KMO: variants seen among roughly 807,000 people sequenced by gnomAD.
The protein encoded by KMO is kynurenine 3-hydroxylase.
Under a neutral mutation model 57.8 loss-of-function variants are expected in KMO, and 24 were observed. The observed-to-expected ratio is 0.42, with a 90% CI of 0.30 to 0.58. The LOEUF (loss-of-function observed/expected upper bound fraction) is 0.58. Ranked by LOEUF, KMO falls within the 20% of genes least tolerant of loss-of-function variation. The pLI, the probability that KMO is intolerant of heterozygous loss-of-function variation, is 0.22. For synonymous variants in KMO, 210 were observed against 193.6 expected (o/e 1.08, Z -0.70); for missense variants, 483 against 588.2 (o/e 0.82, Z 1.85).
chr1:241,587,842 G>A (rs1236705128), intron 11 of KMO, among the ~76,000 whole-genome samples: 1 of 151,594 alleles, frequency 6.6e-6, no homozygotes, highest in East Asian at 1.9e-4. Context: ...TAGTCCTGAT[G>A]TGATTGGTTT....
At chr1:241,542,768 G>A (rs576929725) in intron 1 of KMO, among the ~76,000 whole-genome samples, 27 of 152,274 alleles carry the variant, frequency 1.8e-4, no homozygotes, top group Non-Finnish European at 3.1e-4. Flanking sequence ...TGTGTGGTGC[G>A]CTTAGCATGC....
At chr1:241,583,716 C>T (rs188021516) in intron 10 of KMO, among the ~76,000 whole-genome samples, 144 of 151,922 alleles carry the variant, frequency 9.5e-4, no homozygotes, top group Non-Finnish European at 1.9e-3. Flanking sequence ...TTTTTTGTTG[C>T]ATTATTTTTA....
intron 9 of KMO, among the ~76,000 whole-genome samples, chr1:241,566,861 A>T (rs1662100044): frequency 6.6e-6 from 1 of 152,196 alleles, no homozygotes; most frequent in African/African-American, 2.4e-5. Context: ...TGGGCATCTT[A>T]TGCAGGCTCC....
chr1:241,533,720 G>T (rs1427816509), intron 1 of KMO, among the ~76,000 whole-genome samples: 6 of 152,154 alleles, frequency 3.9e-5, no homozygotes, highest in Non-Finnish European at 7.4e-5. Flanking sequence ...AGACAAGGAA[G>T]AAGAAAACAA....
chr1:241,544,973 C>T (rs1188934513), intron 1 of KMO, among the ~76,000 whole-genome samples: 1 of 152,028 alleles, frequency 6.6e-6, no homozygotes, highest in African/African-American at 2.4e-5. Context: ...ACATTTATAC[C>T]TTTGTCTCTT....
chr1:241,547,609 T>C (rs980468621), intron 1 of KMO, among the ~76,000 whole-genome samples: 13 of 150,164 alleles, frequency 8.7e-5, no homozygotes, highest in Admixed American at 3.3e-4. Flanking sequence ...AGTGCTCAAC[T>C]TCTTTAGTAA....
At chr1:241,558,081 ACT>A (rs909099484) in intron 5 of KMO, among the ~76,000 whole-genome samples, 3 of 152,212 alleles carry the variant, frequency 2.0e-5, no homozygotes, top group African/African-American at 7.2e-5. Flanking sequence ...CTTGGATCAC[ACT>A]GTTAGTAAGT....
rs975526116 is a variant in KMO at position 241,592,373 on chromosome 1, G to T, written c.*220G>T. On this transcript the variant is annotated 3_prime_UTR_variant, in exon 15 of 15. Transcript: ENST00000366559. ...AGCTTCCCTACATTACACACACTCA[G>T]GTTGAGTCATTCTAACTATAAAAGT... 7.3e-6 allele frequency: 4 copies of T among 546,802 alleles called. No homozygotes were observed. Among genetic ancestry groups the T allele is most frequent in the Middle Eastern group, 4.8e-4 (1 of 2,070 alleles). 33.9% of individuals were successfully genotyped at this position (546,802 alleles called of 1,614,324 possible).
intron 1 of KMO, among the ~76,000 whole-genome samples, chr1:241,547,595 A>C (rs1661196988): frequency 1.3e-5 from 2 of 152,016 alleles, no homozygotes; most frequent in Admixed American, 6.5e-5. Context: ...AAAAAAAAAA[A>C]AAAAGTGCTC....
chr1:241,558,776 T>TAAA (rs35450168), intron 5 of KMO, among the ~76,000 whole-genome samples: 8 of 144,942 alleles, frequency 5.5e-5, no homozygotes, highest in African/African-American at 2.0e-4. Context: ...CTAACCATGT[T>TAAA]AAAAAAAAAA....
chr1:241,594,858 G>C lies in KMO; in HGVS notation c.*2705G>C, dbSNP rs1413496559. ...TCAGATCTACCTAAATCACCCCAGA[G>C]CTTTATGTCTTTTATTCATTCTAAT... On this transcript the variant is annotated 3_prime_UTR_variant, in exon 15 of 15. Coordinates refer to ENST00000366559, the MANE Select transcript of KMO (RefSeq NM_003679.5). 9 of 669,852 alleles carry C rather than the reference G, an allele frequency of 1.3e-5. No individual in the cohort carries two copies. The highest frequency in any genetic ancestry group is 2.2e-5 in the Non-Finnish European group (9 of 400,338). 41.5% of individuals were successfully genotyped at this position (669,852 alleles called of 1,614,324 possible).
At chr1:241,562,937 AGGAGAC>A (rs1558421451) in intron 7 of KMO, among the ~76,000 whole-genome samples, 58 of 78,782 alleles carry the variant, frequency 7.4e-4, no homozygotes, top group East Asian at 1.6e-3. Context: ...GAAGGAAGGA[AGGAGAC>A]GGGAAGGGAA....
chr1:241,550,810 C>G (rs1355021665), intron 3 of KMO, 145 bp from the exon 4 acceptor site: 1 of 512,974 alleles, frequency 1.9e-6, no homozygotes, highest in African/African-American at 2.0e-5. Context: ...GAAGGAGTTT[C>G]TACCACGTTG....
rs1663343932 is a variant in KMO, at chr1:241,592,514, A to T, written c.*361A>T. ...TAGGACTCGCAACAGCATTGACTCA[A>T]CACCTAGGACTAAAAATCACAACTT... On this transcript the variant is annotated 3_prime_UTR_variant, in exon 15 of 15. Transcript: ENST00000366559. 4.6e-6 allele frequency: 1 copy of T among 218,192 alleles called. No homozygotes were observed. The highest frequency in any genetic ancestry group is 5.5e-5 in the Admixed American group (1 of 18,170). 13.5% of individuals were successfully genotyped at this position (218,192 alleles called of 1,614,324 possible).
intron 10 of KMO, among the ~76,000 whole-genome samples, chr1:241,579,184 T>C (rs1662658099): frequency 6.6e-6 from 1 of 152,152 alleles, no homozygotes; most frequent in African/African-American, 2.4e-5. Context: ...CTGTCTGTAA[T>C]GGACTGTGTC....
At chr1:241,566,985 T>G (rs757220352) in intron 9 of KMO, among the ~76,000 whole-genome samples, 5 of 152,192 alleles carry the variant, frequency 3.3e-5, no homozygotes, top group Non-Finnish European at 5.9e-5. Flanking sequence ...TCTTGGATCC[T>G]ACACTTACTA....
chr1:241,553,616 G>A (rs546904387), intron 4 of KMO, among the ~76,000 whole-genome samples: 37 of 152,142 alleles, frequency 2.4e-4, no homozygotes, highest in Non-Finnish European at 4.0e-4. Context: ...TTGAGCCCGG[G>A]AGGTTGAGGC....
intron 1 of KMO, among the ~76,000 whole-genome samples, chr1:241,547,934 A>C (rs563060395): frequency 5.1e-4 from 78 of 152,292 alleles, no homozygotes; most frequent in African/African-American, 1.8e-3. Flanking sequence ...AAACAACTCA[A>C]GTGTCCTTTG....
chr1:241,556,873 A>G (rs1661646852), intron 5 of KMO, among the ~76,000 whole-genome samples: 1 of 152,006 alleles, frequency 6.6e-6, no homozygotes, highest in Non-Finnish European at 1.5e-5. Flanking sequence ...TGGCTGACAG[A>G]GCGAGACTCA....
Sources: allele counts gnomAD v4.1 joint callset (sites outside exome capture counted in the v4.1 genomes callset), GRCh38; gene constraint gnomAD v4.1.1; transcripts MANE v1.5; gene names NCBI Gene and HGNC (gene_info 2026-07-23, HGNC 2026-07-21).